Variants in RAB10 observed in about 807,000 individuals in gnomAD.
RAB10 encodes the protein RAB10, member RAS oncogene family.
In RAB10, 5 loss-of-function variants were observed where a neutral mutation model predicts 25.7. That is an observed-to-expected ratio of 0.19 (90% CI 0.10 to 0.41). RAB10 has a LOEUF of 0.41. Ranked by LOEUF, RAB10 falls within the 10% of genes least tolerant of loss-of-function variation. RAB10 has a pLI of 1.00. For missense variants in RAB10, 103 were observed against 245.8 expected (o/e 0.42, Z 3.89); for synonymous variants, 89 against 86.4 (o/e 1.03, Z -0.16).
rs191959671 is a variant in RAB10, at chr2:26,085,026, T to G, written c.128-13636T>G. Among the ~76,000 whole-genome samples, 11 of 152,298 alleles carry G rather than the reference T, an allele frequency of 7.2e-5. No individual in the cohort carries two copies. The East Asian group carries it at 7.7e-4, about 11-fold the overall frequency. ...TAGTTGTAGTTGGCAAAAGTTCAAT[T>G]TAGCTTTGATTCTGTCACCCAGAAT... On this transcript the variant is annotated intron_variant, in intron 1 of 5. Coordinates refer to ENST00000264710, the MANE Select transcript of RAB10 (RefSeq NM_016131.5).
At chr2:26,133,303 A>G (rs1438112042) in intron 5 of RAB10, among the ~76,000 whole-genome samples, 3 of 152,254 alleles carry the variant, frequency 2.0e-5, no homozygotes, top group African/African-American at 4.8e-5. Flanking sequence ...GTTCTATACA[A>G]TAGCATCGAT....
chr2:26,123,058 A>G (rs1470925580), intron 3 of RAB10, among the ~76,000 whole-genome samples: 1 of 152,228 alleles, frequency 6.6e-6, no homozygotes, highest in South Asian at 2.1e-4. Context: ...CTAACCCCCA[A>G]GACCTGAAGG....
At chr2:26,080,365 C>T (rs1328853184) in intron 1 of RAB10, among the ~76,000 whole-genome samples, 1 of 152,068 alleles carries the variant, frequency 6.6e-6, no homozygotes, top group African/African-American at 2.4e-5. Context: ...CGGCAGGAGC[C>T]AGGAATGGAA....
chr2:26,064,853 T>C (rs1469234455), intron 1 of RAB10, among the ~76,000 whole-genome samples: 2 of 152,144 alleles, frequency 1.3e-5, no homozygotes, highest in East Asian at 3.9e-4. Context: ...CGGAGACCAG[T>C]GTAGTCAACC....
At chr2:26,123,950 C>G (rs949784801) in intron 3 of RAB10, among the ~76,000 whole-genome samples, 3 of 152,186 alleles carry the variant, frequency 2.0e-5, no homozygotes, top group African/African-American at 7.2e-5. Context: ...CCTGAGACAG[C>G]AAGACCAACC....
chr2:26,094,997 TAG>T (rs1330436239), intron 1 of RAB10, among the ~76,000 whole-genome samples: 2 of 152,222 alleles, frequency 1.3e-5, no homozygotes, highest in Non-Finnish European at 2.9e-5. Context: ...TAGTATTAAA[TAG>T]AGTTTTATTT....
intron 1 of RAB10, among the ~76,000 whole-genome samples, chr2:26,075,841 G>C (rs1031368772): frequency 6.6e-6 from 1 of 152,052 alleles, no homozygotes; most frequent in Non-Finnish European, 1.5e-5. Flanking sequence ...TCCTTAAAAG[G>C]TGGAGGGTTA....
At chr2:26,072,283 G>A (rs1454252352) in intron 1 of RAB10, among the ~76,000 whole-genome samples, 3 of 152,130 alleles carry the variant, frequency 2.0e-5, no homozygotes, top group African/African-American at 7.2e-5. Flanking sequence ...GGGCATGGTG[G>A]CACCCACCTG....
At chr2:26,065,486 C>CA (rs1456137892) in intron 1 of RAB10, among the ~76,000 whole-genome samples, 1 of 88,526 alleles carries the variant, frequency 1.1e-5, no homozygotes, top group Non-Finnish European at 2.4e-5. Flanking sequence ...CCAAAGACTT[C>CA]AAAACCTGAA....
intron 5 of RAB10, 93 bp from the exon 6 acceptor site, chr2:26,134,845 G>A: frequency 2.1e-6 from 2 of 965,120 alleles, no homozygotes; most frequent in Non-Finnish European, 1.6e-6. Flanking sequence ...GTATTTTGTT[G>A]TATAAATTGA....
intron 1 of RAB10, among the ~76,000 whole-genome samples, chr2:26,041,543 CAAAA>C (rs1230627488): frequency 2.2e-5 from 1 of 44,628 alleles, no homozygotes; most frequent in Non-Finnish European, 4.6e-5. Context: ...GACGCTGACT[CAAAA>C]AAAAAAAAAA....
At chr2:26,104,976 A>G (rs531627378) in intron 2 of RAB10, among the ~76,000 whole-genome samples, 1 of 152,058 alleles carries the variant, frequency 6.6e-6, no homozygotes, top group Admixed American at 6.5e-5. Context: ...TGACCTCGTG[A>G]TCCACCCGCC....
chr2:26,090,458 G>A lies in RAB10; in HGVS notation c.128-8204G>A, dbSNP rs552052239. Reference sequence around the variant, plus strand: ...GTTCATTATGCTAGGTTCTTGGTGGGTTTTTCAGTTTAGAAGTAGATTCTT... The same window carrying A: ...GTTCATTATGCTAGGTTCTTGGTGGATTTTTCAGTTTAGAAGTAGATTCTT... On this transcript the variant is annotated intron_variant, in intron 1 of 5. Transcript: ENST00000264710. 5.6e-5 allele frequency among the ~76,000 whole-genome samples: 8 copies of A among 143,110 alleles called. No individual in the cohort carries two copies. The South Asian group carries it at 1.8e-3, about 32-fold the overall frequency. The allele number at this position is 143,110 out of a possible 152,430, so 93.9% of individuals were successfully genotyped here.
intron 3 of RAB10, among the ~76,000 whole-genome samples, chr2:26,111,995 A>G (rs868418277): frequency 2.4e-4 from 36 of 152,170 alleles, no homozygotes; most frequent in African/African-American, 8.4e-4. Context: ...TGAGTCATAG[A>G]ACTTAGGAAA....
chr2:26,086,022 G>A lies in RAB10; in HGVS notation c.128-12640G>A, dbSNP rs987854296. Among the ~76,000 whole-genome samples, 79 of 142,994 alleles carry A rather than the reference G, an allele frequency of 5.5e-4. No individual in the cohort carries two copies. In the Middle Eastern group the frequency reaches 0.013, roughly 23 times the overall value. The allele number at this position is 142,994 out of a possible 152,430, so 93.8% of individuals were successfully genotyped here. On this transcript the variant is annotated intron_variant, in intron 1 of 5. Coordinates refer to ENST00000264710, the MANE Select transcript of RAB10 (RefSeq NM_016131.5). ...CCAAAAAAAAAAAAAAAAAAAGGGGGGGGGCAAAGGGGCCCGATGCGGTAG... is the reference window on the plus strand; with the variant it reads ...CCAAAAAAAAAAAAAAAAAAAGGGGAGGGGCAAAGGGGCCCGATGCGGTAG...
intron 1 of RAB10, among the ~76,000 whole-genome samples, chr2:26,098,109 C>CTTTTTTTTTTTTTTTT (rs57174956): frequency 2.7e-4 from 14 of 52,722 alleles, no homozygotes; most frequent in African/African-American, 3.9e-4. Flanking sequence ...TTCTTTCTTT[C>CTTTTTTTTTTTTTTTT]TTTTTTTTTT....
upstream of RAB10, among the ~76,000 whole-genome samples, chr2:26,033,798 G>T (rs1336328646): frequency 6.6e-6 from 1 of 151,542 alleles, no homozygotes; most frequent in African/African-American, 2.4e-5. Flanking sequence ...GGGAGGCGGG[G>T]GTCGGAGGGG....
chr2:26,130,220 T>C (rs1217487045), intron 5 of RAB10, among the ~76,000 whole-genome samples: 1 of 152,240 alleles, frequency 6.6e-6, no homozygotes, highest in African/African-American at 2.4e-5. Flanking sequence ...TAGAATTTCT[T>C]GAGAAAATAA....
rs561816572 is a variant in RAB10, at chr2:26,109,362, A to G, written c.189-406A>G. 4.3e-4 allele frequency among the ~76,000 whole-genome samples: 65 copies of G among 152,324 alleles called. 2 individuals are homozygous for G. The South Asian group carries it at 0.013, about 30-fold the overall frequency. ...TGGCTTTAAGCATTAAATAATGGAA[A>G]ATACTACTATTTACATTTCTGTCTT... On this transcript the variant is annotated intron_variant, in intron 2 of 5. Transcript: ENST00000264710.
Sources: allele counts gnomAD v4.1 joint callset (sites outside exome capture counted in the v4.1 genomes callset), GRCh38; gene constraint gnomAD v4.1.1; transcripts MANE v1.5; gene names NCBI Gene and HGNC (gene_info 2026-07-23, HGNC 2026-07-21).